Variants in RBFOX1 observed in about 807,000 individuals in gnomAD.
The protein encoded by RBFOX1 is RNA binding protein fox-1 homolog 1.
In RBFOX1, 8 loss-of-function variants were observed where a neutral mutation model predicts 57.7. The ratio of observed to expected loss-of-function variants is 0.14; its 90% CI spans 0.08 to 0.25. The LOEUF is 0.25. RBFOX1 is among the 10% of genes least tolerant of loss of function. The pLI, the probability that RBFOX1 is intolerant of heterozygous loss-of-function variation, is 1.00. For synonymous variants in RBFOX1, 326 were observed against 222.4 expected (o/e 1.47, Z -4.15); for missense variants, 611 against 548.5 (o/e 1.11, Z -1.14).
chr16:7,021,893 TTCTTTTC>T (rs1319765332), intron 3 of RBFOX1, among the ~76,000 whole-genome samples: 1 of 121,420 alleles, frequency 8.2e-6, no homozygotes, highest in Non-Finnish European at 1.6e-5. Context: ...CTTTCTTTCT[TTCTTTTC>T]TTTCTTTCTT....
chr16:7,501,332 C>T (rs1233955936), intron 4 of RBFOX1, among the ~76,000 whole-genome samples: 3 of 152,202 alleles, frequency 2.0e-5, no homozygotes, highest in Non-Finnish European at 2.9e-5. Context: ...CTTACCCTTC[C>T]TCTTTCCTTC....
At chr16:5,379,438 A>G (rs2066074623) in intron 1 of RBFOX1, among the ~76,000 whole-genome samples, 1 of 151,886 alleles carries the variant, frequency 6.6e-6, no homozygotes, top group Admixed American at 6.5e-5. Flanking sequence ...TGTGGCTCTA[A>G]TGGAAAGTGT....
chr16:6,623,749 C>T (rs1357987711), intron 2 of RBFOX1, among the ~76,000 whole-genome samples: 4 of 152,120 alleles, frequency 2.6e-5, no homozygotes, highest in Admixed American at 2.0e-4. Flanking sequence ...CCAGCTTCAT[C>T]CATGTCCCTA....
At chr16:5,912,353 C>A (rs1567138975) in intron 4 of RBFOX1, among the ~76,000 whole-genome samples, 1 of 152,128 alleles carries the variant, frequency 6.6e-6, no homozygotes, top group South Asian at 2.1e-4. Context: ...CCCATTGATG[C>A]CTGTACATTT....
At chr16:5,467,312 C>T in intron 2 of RBFOX1, 1 of 1,433,336 alleles carries the variant, frequency 7.0e-7, no homozygotes, top group South Asian at 1.3e-5. Flanking sequence ...GAAATGAAAG[C>T]AATAGAAAAA....
intron 4 of RBFOX1, among the ~76,000 whole-genome samples, chr16:5,903,482 T>C (rs564411513): frequency 2.6e-5 from 4 of 152,216 alleles, no homozygotes; most frequent in Admixed American, 2.6e-4. Context: ...CTCTTTCTCA[T>C]CTGGTCCATA....
chr16:7,382,170 A>T (rs1380860984), intron 4 of RBFOX1, among the ~76,000 whole-genome samples: 4 of 152,216 alleles, frequency 2.6e-5, no homozygotes, highest in African/African-American at 9.7e-5. Flanking sequence ...GACAAAAGCC[A>T]ATATATCACA....
intron 4 of RBFOX1, among the ~76,000 whole-genome samples, chr16:7,364,949 T>G (rs543938953): frequency 3.3e-5 from 5 of 152,246 alleles, no homozygotes; most frequent in Admixed American, 6.5e-5. Flanking sequence ...GCACTCTGAC[T>G]GTTGATACAT....
chr16:7,442,183 G>A (rs7194194), intron 4 of RBFOX1, among the ~76,000 whole-genome samples: 8 of 152,014 alleles, frequency 5.3e-5, no homozygotes, highest in East Asian at 1.9e-4. Flanking sequence ...TTTGGCCTTC[G>A]TTCTGCCAGA....
chr16:6,412,396 C>T (rs1044779277), intron 2 of RBFOX1, among the ~76,000 whole-genome samples: 1 of 152,076 alleles, frequency 6.6e-6, no homozygotes, highest in African/African-American at 2.4e-5. Context: ...TTAAAGGAGG[C>T]CTTATTAGTC....
chr16:7,605,492 C>T (rs1226416675), intron 9 of RBFOX1, among the ~76,000 whole-genome samples: 1 of 152,174 alleles, frequency 6.6e-6, no homozygotes, highest in African/African-American at 2.4e-5. Flanking sequence ...AACCACCTAG[C>T]TTCTTCAGGT....
At position 6,415,258 on chromosome 16, in the gene RBFOX1, A is replaced by T. The variant is rs909169238; in HGVS notation, c.-64+98201A>T. ...ACTCTGTCACAAAAAAAAAAAAAAA[A>T]AAAAAAAATAGCGTTCAGGTTGAGA... On this transcript the variant is annotated intron_variant, in intron 2 of 15. Coordinates refer to ENST00000550418, the MANE Select transcript of RBFOX1 (RefSeq NM_018723.4). Among the ~76,000 whole-genome samples, 7 of 151,702 alleles carry T rather than the reference A, an allele frequency of 4.6e-5. No homozygotes were observed. In the East Asian group the frequency reaches 9.7e-4, roughly 21 times the overall value.
rs1024479203 is a variant in RBFOX1 at position 7,466,847 on chromosome 16, A to T, written c.28-51300A>T. On this transcript the variant is annotated intron_variant, in intron 4 of 15. Transcript: ENST00000550418. ...ACACCATACTTCCAAAGGAATAAGG[A>T]CAAATTAGAGCAGGAAGAGACCAAA... is the stretch of plus-strand genomic sequence containing the variant. Among the ~76,000 whole-genome samples, 10 of 152,316 alleles carry T rather than the reference A, an allele frequency of 6.6e-5. No homozygotes were observed. In the South Asian group the frequency reaches 8.3e-4, roughly 13 times the overall value.
intron 3 of RBFOX1, among the ~76,000 whole-genome samples, chr16:5,813,178 T>C (rs2055496633): frequency 1.3e-5 from 2 of 152,160 alleles, no homozygotes; most frequent in African/African-American, 4.8e-5. Flanking sequence ...TGGCTGATTT[T>C]TGTATTTTTA....
upstream of RBFOX1, among the ~76,000 whole-genome samples, chr16:6,016,253 G>C (rs2094992929): frequency 6.6e-6 from 1 of 152,262 alleles, no homozygotes; most frequent in Non-Finnish European, 1.5e-5. Flanking sequence ...CACCTTATCT[G>C]TGCCTATGGG....
At chr16:7,608,835 C>G (rs907391061) in intron 10 of RBFOX1, among the ~76,000 whole-genome samples, 1 of 152,214 alleles carries the variant, frequency 6.6e-6, no homozygotes, top group Admixed American at 6.5e-5. Context: ...ATGTTAATCT[C>G]TTTACCAGGA....
intron 2 of RBFOX1, among the ~76,000 whole-genome samples, 175 bp from the exon 3 acceptor site, chr16:6,654,428 G>T (rs912479015): frequency 6.6e-6 from 1 of 152,080 alleles, no homozygotes; most frequent in Non-Finnish European, 1.5e-5. Context: ...TGCAAACACC[G>T]CAGTATGTAC....
chr16:6,207,879 C>T (rs531604796), intron 1 of RBFOX1, among the ~76,000 whole-genome samples: 1 of 152,124 alleles, frequency 6.6e-6, no homozygotes, highest in Non-Finnish European at 1.5e-5. Flanking sequence ...TTTTCAGAGA[C>T]AGCCTGTTGC....
At chr16:5,933,251 A>G (rs563937319) in intron 4 of RBFOX1, among the ~76,000 whole-genome samples, 19 of 152,306 alleles carry the variant, frequency 1.2e-4, no homozygotes, top group Admixed American at 1.1e-3. Flanking sequence ...CGAGGTTCCG[A>G]TGTTGCCAGG....
Sources: gnomAD v4.1 joint callset for allele counts (sites outside exome capture counted in the v4.1 genomes callset) on GRCh38, gnomAD v4.1.1 for gene constraint, MANE v1.5 for transcripts, NCBI Gene and HGNC (gene_info 2026-07-23, HGNC 2026-07-21) for gene names.